PREX2: variants seen among roughly 807,000 people sequenced by gnomAD.
PREX2 encodes phosphatidylinositol-3,4,5-trisphosphate dependent Rac exchange factor 2, also known as phosphatidylinositol 3,4,5-trisphosphate-dependent Rac exchanger 2 protein.
Under a neutral mutation model 203.2 loss-of-function variants are expected in PREX2, and 107 were observed. The observed-to-expected ratio is 0.53, with a 90% CI of 0.45 to 0.62. The LOEUF (loss-of-function observed/expected upper bound fraction) is 0.62. Among genes scored for constraint, PREX2 ranks in the 20% least tolerant of loss-of-function variants. PREX2 has a pLI of 0.00. For missense variants in PREX2, 1,777 were observed against 1,955.9 expected, an observed-to-expected ratio of 0.91 and a Z score of 1.72; for synonymous variants, 672 against 663.6, an observed-to-expected ratio of 1.01 and a Z score of -0.19.
chr8:68,102,261 G>A (rs573681727), intron 23 of PREX2, among the ~76,000 whole-genome samples: 1 of 152,240 alleles, frequency 6.6e-6, no homozygotes, highest in East Asian at 1.9e-4. Context: ...TAACAGACTA[G>A]GTTCCTATGG....
rs747832755 is a variant in PREX2, at chr8:68,106,637, G to T, written c.2716-1472G>T. On this transcript the variant is annotated intron_variant, in intron 23 of 39. Coordinates refer to ENST00000288368, the MANE Select transcript of PREX2 (RefSeq NM_024870.4). ...ATATAATCTACACGTATACATATAA[G>T]AGAGTCCCTGTTCTAATGGTGAGCT... is the stretch of plus-strand genomic sequence containing the variant. Among the ~76,000 whole-genome samples, 5 of 151,962 alleles carry T rather than the reference G, an allele frequency of 3.3e-5. No homozygotes were observed. The South Asian group carries it at 8.3e-4, about 25-fold the overall frequency.
chr8:68,021,778 T>C (rs972406790), intron 3 of PREX2, among the ~76,000 whole-genome samples: 2 of 152,218 alleles, frequency 1.3e-5, no homozygotes, highest in South Asian at 4.1e-4. Context: ...CTCTCTTTTC[T>C]GTGCTTTGCC....
chr8:68,081,496 A>T (rs1276175534), intron 17 of PREX2, among the ~76,000 whole-genome samples: 1 of 152,150 alleles, frequency 6.6e-6, no homozygotes, highest in Non-Finnish European at 1.5e-5. Context: ...CACTAATCAC[A>T]GACTGCAACC....
intron 37 of PREX2, among the ~76,000 whole-genome samples, chr8:68,211,244 T>C (rs1216721796): frequency 6.6e-6 from 1 of 152,216 alleles, no homozygotes; most frequent in Non-Finnish European, 1.5e-5. Flanking sequence ...GGACTCTACT[T>C]TAACTGAACT....
At chr8:68,154,291 C>T (rs146646097) in intron 34 of PREX2, among the ~76,000 whole-genome samples, 40 of 152,328 alleles carry the variant, frequency 2.6e-4, no homozygotes, top group African/African-American at 8.4e-4. Context: ...GTAAATAAAA[C>T]TCATTCAATA....
chr8:68,175,771 T>C (rs1811966635), intron 35 of PREX2, among the ~76,000 whole-genome samples: 2 of 152,138 alleles, frequency 1.3e-5, no homozygotes, highest in African/African-American at 4.8e-5. Flanking sequence ...AGCAGCCATA[T>C]TCTTTGTATC....
chr8:67,976,141 C>T (rs992908225), intron 1 of PREX2, among the ~76,000 whole-genome samples: 1 of 152,148 alleles, frequency 6.6e-6, no homozygotes, highest in African/African-American at 2.4e-5. Context: ...AACCAAACCC[C>T]CAGCAGCACC....
chr8:67,963,584 C>T lies in PREX2; in HGVS notation c.141+11049C>T, dbSNP rs979547885. ...TTTCTTTAATAAATCTCTAGTTCAG[C>T]CATAATTTCCCCAGATTACGCTAAA... On this transcript the variant is annotated intron_variant, in intron 1 of 39. Coordinates refer to ENST00000288368, the MANE Select transcript of PREX2 (RefSeq NM_024870.4). Among the ~76,000 whole-genome samples, 36 of 152,110 alleles carry T rather than the reference C, an allele frequency of 2.4e-4. 1 individual carries two copies. Among genetic ancestry groups the T allele is most frequent in the African/African-American group, 8.4e-4 (35 of 41,514 alleles).
intron 37 of PREX2, among the ~76,000 whole-genome samples, chr8:68,206,088 G>A (rs935581648): frequency 2.0e-5 from 3 of 152,102 alleles, no homozygotes; most frequent in East Asian, 1.9e-4. Flanking sequence ...ATTAATCTAC[G>A]TGATTCGAAT....
intron 31 of PREX2, among the ~76,000 whole-genome samples, chr8:68,128,316 T>TA (rs1810936659): frequency 6.6e-6 from 1 of 152,236 alleles, no homozygotes; most frequent in Admixed American, 6.5e-5. Context: ...GATTTGTTCC[T>TA]AAAAAATATA....
chr8:68,188,595 G>A (rs904798089), intron 35 of PREX2, among the ~76,000 whole-genome samples: 3 of 152,218 alleles, frequency 2.0e-5, no homozygotes, highest in Non-Finnish European at 1.5e-5. Flanking sequence ...ATAGTTCCAC[G>A]TGGCTGGGGA....
chr8:68,116,847 T>TCC lies in PREX2; in HGVS notation c.3326+917_3326+918dup, dbSNP rs1352598771. On this transcript the variant is annotated intron_variant, in intron 26 of 39. Coordinates refer to ENST00000288368, the MANE Select transcript of PREX2 (RefSeq NM_024870.4). The stretch of plus-strand genomic sequence containing the variant: ...AGACCTAGTTCAACCCAAAATACTT[T>TCC]CCCTCCAAACTCTGTTATTGTCTTC... Among the ~76,000 whole-genome samples, 3 of 152,150 alleles carry TCC rather than the reference T, an allele frequency of 2.0e-5. No individual in the cohort carries two copies. In the East Asian group the frequency reaches 5.8e-4, roughly 29 times the overall value.
At chr8:67,987,977 T>C (rs192481660) in intron 1 of PREX2, among the ~76,000 whole-genome samples, 1 of 152,242 alleles carries the variant, frequency 6.6e-6, no homozygotes, top group African/African-American at 2.4e-5. Flanking sequence ...GCAGTCCCCA[T>C]AGGTAGAAGA....
At chr8:68,030,124 A>T (rs1458832406) in intron 5 of PREX2, among the ~76,000 whole-genome samples, 1 of 152,142 alleles carries the variant, frequency 6.6e-6, no homozygotes, top group Non-Finnish European at 1.5e-5. Flanking sequence ...AAGATTTGTT[A>T]TTCTGTTAAA....
chr8:68,207,136 C>T (rs1333287908), intron 37 of PREX2, among the ~76,000 whole-genome samples: 2 of 151,948 alleles, frequency 1.3e-5, no homozygotes, highest in East Asian at 1.9e-4. Flanking sequence ...TCAGTATGCT[C>T]TAATATATAT....
chr8:68,014,260 A>G (rs1807348719), intron 1 of PREX2, among the ~76,000 whole-genome samples: 2 of 152,314 alleles, frequency 1.3e-5, no homozygotes, highest in African/African-American at 4.8e-5. Flanking sequence ...GATAATATTT[A>G]TCATATGCAT....
chr8:67,957,026 A>G (rs766717313), intron 1 of PREX2, among the ~76,000 whole-genome samples: 1 of 152,224 alleles, frequency 6.6e-6, no homozygotes, highest in Non-Finnish European at 1.5e-5. Context: ...AGATATATGC[A>G]TTGGGCTTGG....
chr8:68,157,188 A>C lies in PREX2; in HGVS notation c.4232-134A>C, dbSNP rs949605655. On this transcript the variant is annotated intron_variant, in intron 34 of 39. Transcript: ENST00000288368. The stretch of plus-strand genomic sequence containing the variant: ...ACAGTTTTCATTCATTTTTGGACCT[A>C]ACATAGTTTTTTTGCATATATGTTG... 4 of 468,478 alleles carry C rather than the reference A, an allele frequency of 8.5e-6. No individual in the cohort carries two copies. In the Admixed American group the frequency reaches 1.6e-4, roughly 19 times the overall value. 29.0% of individuals were successfully genotyped at this position (468,478 alleles called of 1,614,324 possible).
chr8:68,056,714 A>T (rs1045826523), intron 10 of PREX2, among the ~76,000 whole-genome samples: 1 of 152,206 alleles, frequency 6.6e-6, no homozygotes, highest in African/African-American at 2.4e-5. Context: ...TTTTTTAAAG[A>T]TACAGAAACT....
Sources: gnomAD v4.1 joint callset for allele counts (sites outside exome capture counted in the v4.1 genomes callset) on GRCh38, gnomAD v4.1.1 for gene constraint, MANE v1.5 for transcripts, NCBI Gene and HGNC (gene_info 2026-07-23, HGNC 2026-07-21) for gene names.